WDPCP: variants seen among roughly 807,000 people sequenced by gnomAD.
WDPCP encodes the protein WD repeat-containing and planar cell polarity effector protein fritz homolog.
In WDPCP, 71 loss-of-function variants were observed where a neutral mutation model predicts 93.1. The ratio of observed to expected loss-of-function variants is 0.76; its 90% CI spans 0.63 to 0.93. The LOEUF (loss-of-function observed/expected upper bound fraction) is 0.93, where lower values mean the gene tolerates loss of function less well. WDPCP is among the 40% of genes least tolerant of loss of function. The pLI is 0.00. For missense variants in WDPCP, 844 were observed against 887.4 expected, an observed-to-expected ratio of 0.95 and a Z score of 0.62; for synonymous variants, 315 against 315.0, an observed-to-expected ratio of 1.00 and a Z score of 0.00.
intron 10 of WDPCP, among the ~76,000 whole-genome samples, chr2:63,388,830 G>A (rs149913750): frequency 2.6e-5 from 4 of 152,206 alleles, no homozygotes; most frequent in South Asian, 2.1e-4. Flanking sequence ...GAAATAAAAC[G>A]AGAAGACAAG....
intron 14 of WDPCP, among the ~76,000 whole-genome samples, chr2:63,195,464 A>G (rs1467549190): frequency 1.3e-5 from 2 of 152,074 alleles, no homozygotes; most frequent in African/African-American, 4.8e-5. Context: ...GGGTCCACTT[A>G]TACATGGATT....
At chr2:63,263,004 T>C (rs1251914665) in intron 13 of WDPCP, among the ~76,000 whole-genome samples, 3 of 152,214 alleles carry the variant, frequency 2.0e-5, no homozygotes, top group African/African-American at 7.2e-5. Context: ...TGCAGTCCAT[T>C]TATTTGCTGA....
intron 17 of WDPCP, among the ~76,000 whole-genome samples, chr2:63,147,369 G>T (rs1473448567): frequency 1.3e-5 from 2 of 152,128 alleles, no homozygotes; most frequent in Non-Finnish European, 2.9e-5. Context: ...TGGTTATAGG[G>T]CTAGTTTCTA....
At chr2:63,189,367 C>CTCA (rs981938953) in intron 14 of WDPCP, among the ~76,000 whole-genome samples, 1 of 152,212 alleles carries the variant, frequency 6.6e-6, no homozygotes, top group African/African-American at 2.4e-5. Context: ...CTCTTACCCT[C>CTCA]TCAGGCACCA....
intron 2 of WDPCP, among the ~76,000 whole-genome samples, chr2:63,812,877 C>T (rs1670882200): frequency 1.3e-5 from 2 of 151,954 alleles, no homozygotes; most frequent in Admixed American, 1.3e-4. Flanking sequence ...GAAAAAAAAT[C>T]ACTTTATTTT....
chr2:63,269,180 T>C (rs1682417929), intron 13 of WDPCP, among the ~76,000 whole-genome samples: 1 of 152,346 alleles, frequency 6.6e-6, no homozygotes. Flanking sequence ...TGTTACTTAG[T>C]TGATAGATGG....
chr2:63,593,722 C>G (rs1318649981), upstream of WDPCP: 1 of 470,594 alleles, frequency 2.1e-6, no homozygotes, highest in Non-Finnish European at 4.4e-6. Flanking sequence ...CTAACTAAAC[C>G]TACCCATTAC....
intron 2 of WDPCP, among the ~76,000 whole-genome samples, chr2:63,788,967 G>C (rs994393806): frequency 2.6e-5 from 4 of 152,108 alleles, no homozygotes; most frequent in African/African-American, 9.7e-5. Flanking sequence ...GGTTGGTCCT[G>C]AATTCCTGGG....
At chr2:63,749,924 T>C (rs1386580482) in intron 2 of WDPCP, among the ~76,000 whole-genome samples, 1 of 152,100 alleles carries the variant, frequency 6.6e-6, no homozygotes, top group East Asian at 1.9e-4. Flanking sequence ...CTATTATTGT[T>C]TATAAATATG....
intron 2 of WDPCP, among the ~76,000 whole-genome samples, chr2:63,773,572 T>C (rs1670260826): frequency 6.6e-6 from 1 of 152,112 alleles, no homozygotes; most frequent in Non-Finnish European, 1.5e-5. Flanking sequence ...TTAAGAATTT[T>C]GTACTTTTCT....
At chr2:63,622,907 C>T in intron 3 of WDPCP, 1 of 1,265,922 alleles carries the variant, frequency 7.9e-7, no homozygotes, top group Non-Finnish European at 1.1e-6. Flanking sequence ...GGGGCCGGGC[C>T]AGGCCGGGGC....
intron 3 of WDPCP, among the ~76,000 whole-genome samples, chr2:63,648,893 C>T (rs1054260732): frequency 3.3e-5 from 5 of 152,272 alleles, no homozygotes; most frequent in African/African-American, 4.8e-5. Flanking sequence ...AAAATTACCT[C>T]GTTTAGGCTC....
chr2:63,343,259 C>T (rs565042240), intron 12 of WDPCP, among the ~76,000 whole-genome samples: 19 of 151,982 alleles, frequency 1.3e-4, no homozygotes, highest in Non-Finnish European at 1.5e-4. Flanking sequence ...CTGCCCACCT[C>T]GGCCTCCCAA....
chr2:63,221,638 A>C (rs928616427), intron 14 of WDPCP, among the ~76,000 whole-genome samples: 1 of 152,164 alleles, frequency 6.6e-6, no homozygotes. Flanking sequence ...GCTTTGCTGG[A>C]GCTTTTTAAA....
chr2:63,645,884 A>G (rs1436728007), intron 3 of WDPCP, among the ~76,000 whole-genome samples: 2 of 152,110 alleles, frequency 1.3e-5, no homozygotes, highest in African/African-American at 4.8e-5. Context: ...CATTCAGTCT[A>G]TGTGTGTCTT....
intron 10 of WDPCP, among the ~76,000 whole-genome samples, chr2:63,395,421 G>A (rs1575320780): frequency 6.6e-6 from 1 of 151,872 alleles, no homozygotes; most frequent in African/African-American, 2.4e-5. Context: ...TGTCTATTAC[G>A]CCACTCTGTA....
intron 1 of WDPCP, among the ~76,000 whole-genome samples, chr2:63,512,746 T>C (rs1702314845): frequency 6.6e-6 from 1 of 150,502 alleles, no homozygotes; most frequent in South Asian, 2.1e-4. Context: ...CTGTTGGGAG[T>C]TGGGGGGCAA....
chr2:63,736,087 C>G (rs1669635684), intron 2 of WDPCP, among the ~76,000 whole-genome samples: 1 of 152,198 alleles, frequency 6.6e-6, no homozygotes, highest in Admixed American at 6.5e-5. Flanking sequence ...ATTTTACTGA[C>G]AGTGAAACTG....
Position 63,538,963 on chromosome 2 carries a change from C to A in WDPCP, c.76-46023G>T, listed in dbSNP as rs145235191. Among the ~76,000 whole-genome samples the A allele has an allele frequency of 1.1e-4, 16 of 152,144 alleles. No individual in the cohort carries two copies. The East Asian group carries it at 2.9e-3, about 28-fold the overall frequency. The stretch of plus-strand genomic sequence containing the variant: ...AAATATTTTCAAAACAATATAACAC[C>A]AGTCATTAAAATTCACAGCTGGTGT... On this transcript the variant is annotated intron_variant, in intron 1 of 17. Coordinates refer to ENST00000272321, the MANE Select transcript of WDPCP (RefSeq NM_015910.7).
Sources: allele counts gnomAD v4.1 joint callset (sites outside exome capture counted in the v4.1 genomes callset), GRCh38; gene constraint gnomAD v4.1.1; transcripts MANE v1.5; gene names NCBI Gene and HGNC (gene_info 2026-07-23, HGNC 2026-07-21).